PRLR: variants seen among roughly 807,000 people sequenced by gnomAD.
PRLR encodes hPRL receptor.
PRLR carries 13 observed loss-of-function variants against 40.2 expected under a neutral mutation model. The observed-to-expected ratio is 0.32, with a 90% CI of 0.21 to 0.51. The LOEUF is 0.51. Ranked by LOEUF, PRLR falls within the 20% of genes least tolerant of loss-of-function variation. The probability of loss-of-function intolerance (pLI) is 0.97; values close to 1 mark genes in which losing one functional copy is unlikely to be tolerated. For synonymous variants in PRLR, 269 were observed against 278.7 expected, an observed-to-expected ratio of 0.97 and a Z score of 0.35; for missense variants, 656 against 747.3, an observed-to-expected ratio of 0.88 and a Z score of 1.42.
In PRLR at chr5:35,134,913, C is replaced by A. The variant is rs1320850833; in HGVS notation, c.-105-16791G>T. Reference sequence around the variant, plus strand: ...CTAATGTGGAGCAAAGTTTGAGAACCACTGCTCTAGATATTTCCTGGTGCT... The same window carrying A: ...CTAATGTGGAGCAAAGTTTGAGAACAACTGCTCTAGATATTTCCTGGTGCT... On this transcript the variant is annotated intron_variant, in intron 1 of 9. Transcript: ENST00000618457. 1.1e-4 allele frequency among the ~76,000 whole-genome samples: 17 copies of A among 152,294 alleles called. No individual in the cohort carries two copies. The East Asian group carries it at 2.9e-3, about 26-fold the overall frequency.
intron 5 of PRLR, among the ~76,000 whole-genome samples, chr5:35,073,948 T>C (rs1401059610): frequency 6.6e-6 from 1 of 152,176 alleles, no homozygotes; most frequent in Non-Finnish European, 1.5e-5. Flanking sequence ...GGTAGGAATG[T>C]AAACTGGTGC....
intron 1 of PRLR, among the ~76,000 whole-genome samples, chr5:35,183,662 C>A (rs978583443): frequency 1.3e-5 from 2 of 152,162 alleles, no homozygotes; most frequent in Non-Finnish European, 2.9e-5. Flanking sequence ...TTTTTCCCTT[C>A]AGTTCACACT....
At chr5:35,087,612 G>A (rs894839178) in intron 3 of PRLR, among the ~76,000 whole-genome samples, 38 of 152,188 alleles carry the variant, frequency 2.5e-4, no homozygotes, top group African/African-American at 9.2e-4. Flanking sequence ...TCCTCTCCTG[G>A]TTCTGAGCAA....
chr5:35,189,529 T>C (rs143251127), intron 1 of PRLR, among the ~76,000 whole-genome samples: 15,780 of 151,236 alleles, frequency 0.1, 1,005 homozygotes, highest in Non-Finnish European at 0.13. Flanking sequence ...TGTAGTGAGC[T>C]GAGATCGTGC....
At chr5:35,076,159 C>T (rs1296774296) in intron 5 of PRLR, among the ~76,000 whole-genome samples, 3 of 152,194 alleles carry the variant, frequency 2.0e-5, no homozygotes, top group Non-Finnish European at 2.9e-5. Flanking sequence ...TGCAGTTCCT[C>T]GCCAGCAACG....
intron 1 of PRLR, among the ~76,000 whole-genome samples, chr5:35,188,110 G>A (rs1308576654): frequency 6.6e-6 from 1 of 152,098 alleles, no homozygotes; most frequent in Non-Finnish European, 1.5e-5. Context: ...AGTCACCTGG[G>A]GCAGCCACCC....
intron 1 of PRLR, among the ~76,000 whole-genome samples, chr5:35,149,001 C>T (rs1180470082): frequency 6.6e-6 from 1 of 151,828 alleles, no homozygotes; most frequent in Non-Finnish European, 1.5e-5. Context: ...ACAGATGATC[C>T]CTCTTAAGTT....
intron 1 of PRLR, among the ~76,000 whole-genome samples, chr5:35,211,096 C>T (rs1432517904): frequency 2.0e-5 from 3 of 152,224 alleles, no homozygotes; most frequent in Non-Finnish European, 4.4e-5. Context: ...TCCAACACAC[C>T]GGAAAGCTTA....
chr5:35,180,515 T>C (rs927412734), intron 1 of PRLR, among the ~76,000 whole-genome samples: 2 of 152,178 alleles, frequency 1.3e-5, no homozygotes, highest in African/African-American at 4.8e-5. Context: ...GCTGAACAGA[T>C]GCCAGTATCA....
intron 2 of PRLR, among the ~76,000 whole-genome samples, chr5:35,104,750 G>A (rs1246345659): frequency 6.6e-6 from 1 of 152,166 alleles, no homozygotes; most frequent in Admixed American, 6.5e-5. Context: ...AGCCCACTGA[G>A]CTCAAGGACG....
intron 1 of PRLR, among the ~76,000 whole-genome samples, chr5:35,126,155 G>A (rs1773456875): frequency 6.6e-6 from 1 of 152,096 alleles, no homozygotes; most frequent in African/African-American, 2.4e-5. Context: ...GTTGATAATG[G>A]GAACATCTTA....
chr5:35,229,749 C>A (rs551583330), intron 1 of PRLR, among the ~76,000 whole-genome samples: 1 of 152,290 alleles, frequency 6.6e-6, no homozygotes, highest in African/African-American at 2.4e-5. Context: ...CTTTCCCCGC[C>A]GGATGCCCGC....
chr5:35,156,813 C>A (rs1357240063), intron 1 of PRLR, among the ~76,000 whole-genome samples: 1 of 152,100 alleles, frequency 6.6e-6, no homozygotes, highest in African/African-American at 2.4e-5. Flanking sequence ...TTCTGAGTAC[C>A]AAGAGCTCCT....
chr5:35,146,126 C>T (rs1000029959), intron 1 of PRLR, among the ~76,000 whole-genome samples: 1 of 152,154 alleles, frequency 6.6e-6, no homozygotes, highest in African/African-American at 2.4e-5. Flanking sequence ...TGGTCACTTC[C>T]AGAATCTGGT....
rs1049096562 is a variant in PRLR, at chr5:35,108,201, C to T, written c.-44+9860G>A. Among the ~76,000 whole-genome samples, 17 of 152,130 alleles carry T rather than the reference C, an allele frequency of 1.1e-4. 1 individual carries two copies. The highest frequency in any genetic ancestry group is 2.4e-4 in the African/African-American group (10 of 41,432). On this transcript the variant is annotated intron_variant, in intron 2 of 9. Transcript: ENST00000618457. ...CTTCATGCTAAAAACTCTCAATAAA[C>T]TAGGTATTGATGAAACATATCTCAA...
chr5:35,188,745 G>A (rs534776157), intron 1 of PRLR, among the ~76,000 whole-genome samples: 45 of 152,276 alleles, frequency 3.0e-4, no homozygotes, highest in Non-Finnish European at 5.6e-4. Context: ...ACAAACCGGT[G>A]GAATCTCAAT....
chr5:35,085,028 G>C (rs1159927450), intron 4 of PRLR, among the ~76,000 whole-genome samples: 1 of 152,122 alleles, frequency 6.6e-6, no homozygotes, highest in African/African-American at 2.4e-5. Context: ...CACACAGAGG[G>C]GTCATGCACA....
At chr5:35,106,944 C>T (rs1267555980) in intron 2 of PRLR, among the ~76,000 whole-genome samples, 1 of 152,184 alleles carries the variant, frequency 6.6e-6, no homozygotes, top group African/African-American at 2.4e-5. Flanking sequence ...CACCACATCG[C>T]ACTTATTCCA....
rs900163291 is a variant in PRLR, at chr5:35,063,518, C to T, written c.*1571G>A. 2.6e-5 allele frequency: 4 copies of T among 152,220 alleles called. No homozygotes were observed. The highest frequency in any genetic ancestry group is 5.9e-5 in the Non-Finnish European group (4 of 68,002). The allele number at this position is 152,220 out of a possible 1,614,324, so 9.4% of individuals were successfully genotyped here. On this transcript the variant is annotated 3_prime_UTR_variant, in exon 10 of 10. Transcript: ENST00000618457. ...CAGGAAGCCTGGCACTGGAATTGAC[C>T]GGGAGATTCTCATTACCTTACTCTG...
Sources: allele counts gnomAD v4.1 joint callset (sites outside exome capture counted in the v4.1 genomes callset), GRCh38; gene constraint gnomAD v4.1.1; transcripts MANE v1.5; gene names NCBI Gene and HGNC (gene_info 2026-07-23, HGNC 2026-07-21).